The following RALYL variants were observed in gnomAD, a reference collection of about 807,000 sequenced individuals.
The protein encoded by RALYL is RNA-binding Raly-like protein.
A neutral mutation model predicts 35.1 loss-of-function variants in RALYL; 29 were observed. That is an observed-to-expected ratio of 0.83 (90% CI 0.61 to 1.13). RALYL has a LOEUF of 1.13. Ranked by LOEUF, RALYL falls within the 50% of genes most tolerant of loss-of-function variation. RALYL has a pLI of 0.00. For synonymous variants in RALYL, 120 were observed against 127.6 expected (o/e 0.94, Z 0.40); for missense variants, 359 against 360.4 (o/e 1.00, Z 0.03).
intron 1 of RALYL, among the ~76,000 whole-genome samples, chr8:84,255,789 T>A (rs1410050161): frequency 1.3e-5 from 2 of 152,106 alleles, no homozygotes; most frequent in Admixed American, 1.3e-4. Flanking sequence ...TGTAGAGTTT[T>A]CCCCGGAAAA....
chr8:84,849,597 C>T (rs1835396477), intron 4 of RALYL, among the ~76,000 whole-genome samples: 2 of 149,522 alleles, frequency 1.3e-5, no homozygotes, highest in South Asian at 4.2e-4. Flanking sequence ...CGCTCTGTGT[C>T]GCCCAGGCTG....
chr8:84,722,898 C>G (rs966198440), intron 2 of RALYL, among the ~76,000 whole-genome samples: 4 of 151,268 alleles, frequency 2.6e-5, no homozygotes, highest in African/African-American at 9.7e-5. Context: ...CAGTAAAAAT[C>G]AACCAGGTTC....
intron 1 of RALYL, among the ~76,000 whole-genome samples, chr8:84,197,327 T>C (rs1375644675): frequency 6.6e-6 from 1 of 152,214 alleles, no homozygotes; most frequent in Non-Finnish European, 1.5e-5. Flanking sequence ...TTTCTTCTTA[T>C]CAGACCAGTT....
At chr8:84,291,077 C>G (rs1838691427) in intron 1 of RALYL, among the ~76,000 whole-genome samples, 1 of 152,076 alleles carries the variant, frequency 6.6e-6, no homozygotes, top group Non-Finnish European at 1.5e-5. Flanking sequence ...TGAAACCCTA[C>G]AAGCTCATTG....
At chr8:84,571,049 G>A (rs1807848714) in intron 2 of RALYL, among the ~76,000 whole-genome samples, 1 of 151,638 alleles carries the variant, frequency 6.6e-6, no homozygotes, top group African/African-American at 2.4e-5. Context: ...CTGTTTGCTA[G>A]TATTTTGTTG....
intron 1 of RALYL, among the ~76,000 whole-genome samples, chr8:84,372,894 T>TTTTTTGTTTTGTTTTG (rs1563809075): frequency 1.6e-4 from 20 of 125,090 alleles, no homozygotes; most frequent in African/African-American, 4.0e-4. Context: ...CTGTTTTTTT[T>TTTTTTGTTTTGTTTTG]TTTTTTTTTT....
At chr8:84,375,880 A>C (rs6473548) in intron 1 of RALYL, among the ~76,000 whole-genome samples, 102,484 of 151,592 alleles carry the variant, frequency 0.68, 36,249 homozygotes, top group African/African-American at 0.89. Flanking sequence ...GCTGATTGAG[A>C]AACACAACTG....
intron 3 of RALYL, among the ~76,000 whole-genome samples, chr8:84,776,286 G>A (rs974652042): frequency 6.6e-6 from 1 of 152,094 alleles, no homozygotes; most frequent in Non-Finnish European, 1.5e-5. Context: ...TCCTAGTCAT[G>A]CCTAGTACCC....
At chr8:84,424,930 G>C (rs1246352164) in intron 1 of RALYL, among the ~76,000 whole-genome samples, 1 of 151,594 alleles carries the variant, frequency 6.6e-6, no homozygotes, top group Non-Finnish European at 1.5e-5. Context: ...GCTGTGTGCT[G>C]GGAGAACCAC....
At chr8:84,506,644 C>T (rs711039) in intron 1 of RALYL, among the ~76,000 whole-genome samples, 145,862 of 151,992 alleles carry the variant, frequency 0.96, 70,032 homozygotes, top group East Asian at 1. Context: ...AATATCACAA[C>T]AGACTAATTT....
At chr8:84,820,818 A>G (rs1436592628) in intron 4 of RALYL, among the ~76,000 whole-genome samples, 2 of 152,120 alleles carry the variant, frequency 1.3e-5, no homozygotes, top group African/African-American at 4.8e-5. Context: ...GGGTAATCAT[A>G]TAGTCAGACT....
At chr8:84,890,248 G>A (rs1843593304) in intron 8 of RALYL, among the ~76,000 whole-genome samples, 1 of 152,132 alleles carries the variant, frequency 6.6e-6, no homozygotes, top group South Asian at 2.1e-4. Flanking sequence ...CATACCTGAA[G>A]ACTCATCCAC....
At chr8:84,699,690 C>T (rs572021895) in intron 2 of RALYL, among the ~76,000 whole-genome samples, 1 of 152,026 alleles carries the variant, frequency 6.6e-6, no homozygotes, top group Non-Finnish European at 1.5e-5. Context: ...TGGAGAGGAA[C>T]AAAAACATTT....
chr8:84,819,732 C>T (rs544705959), intron 4 of RALYL, among the ~76,000 whole-genome samples: 1 of 151,984 alleles, frequency 6.6e-6, no homozygotes. Context: ...TTATAGCAGG[C>T]AGCAATATAG....
chr8:84,609,719 A>G (rs867739919), intron 2 of RALYL, among the ~76,000 whole-genome samples: 3 of 152,280 alleles, frequency 2.0e-5, no homozygotes, highest in Non-Finnish European at 4.4e-5. Context: ...ATATTAGCAC[A>G]ATGTATTTCC....
rs144182022 is a variant in RALYL, at chr8:84,517,827, G to T, written c.-23-11472G>T. ...AATTACCTCTTATATGCCAAATACTGTGCTTAGTACCTTAGTGCATCTCAT... is the reference window on the plus strand; with the variant it reads ...AATTACCTCTTATATGCCAAATACTTTGCTTAGTACCTTAGTGCATCTCAT... On this transcript the variant is annotated intron_variant, in intron 1 of 8. Coordinates refer to ENST00000521268, the MANE Select transcript of RALYL (RefSeq NM_173848.7). Among the ~76,000 whole-genome samples, 795 of 152,190 alleles carry T rather than the reference G, an allele frequency of 5.2e-3. 3 individuals carry two copies. Among genetic ancestry groups the T allele is most frequent in the African/African-American group, 0.017 (705 of 41,528 alleles).
intron 1 of RALYL, among the ~76,000 whole-genome samples, chr8:84,367,342 T>TTTTG (rs1854651301): frequency 1.1e-5 from 1 of 87,674 alleles, no homozygotes; most frequent in Non-Finnish European, 2.2e-5. Context: ...TTTTTTTTTT[T>TTTTG]TTTTTTTTTT....
chr8:84,268,964 A>G (rs1298050826), intron 1 of RALYL, among the ~76,000 whole-genome samples: 1 of 152,212 alleles, frequency 6.6e-6, no homozygotes, highest in Non-Finnish European at 1.5e-5. Context: ...AAAAGTCACT[A>G]TAACATGCCC....
At chr8:84,468,078 A>G (rs369775067) in intron 1 of RALYL, among the ~76,000 whole-genome samples, 36 of 151,048 alleles carry the variant, frequency 2.4e-4, no homozygotes, top group South Asian at 1.9e-3. Context: ...GCACACTGAT[A>G]GGTCTTGACT....
Sources: gnomAD v4.1 joint callset for allele counts (sites outside exome capture counted in the v4.1 genomes callset) on GRCh38, gnomAD v4.1.1 for gene constraint, MANE v1.5 for transcripts, NCBI Gene and HGNC (gene_info 2026-07-23, HGNC 2026-07-21) for gene names.